Variants in POMT2 observed in about 807,000 individuals in gnomAD.
POMT2 encodes the protein protein O-mannosyl-transferase 2.
Under a neutral mutation model 100.0 loss-of-function variants are expected in POMT2, and 75 were observed. That is an observed-to-expected ratio of 0.75 (90% CI 0.62 to 0.91). The LOEUF is 0.91. POMT2 is among the 40% of genes least tolerant of loss of function. The pLI is 0.00. For missense variants in POMT2, 940 were observed against 955.1 expected, an observed-to-expected ratio of 0.98 and a Z score of 0.21; for synonymous variants, 378 against 374.1, an observed-to-expected ratio of 1.01 and a Z score of -0.12.
intron 1 of POMT2, among the ~76,000 whole-genome samples, chr14:77,318,108 G>C (rs1891694758): frequency 6.6e-6 from 1 of 152,170 alleles, no homozygotes; most frequent in Admixed American, 6.5e-5. Context: ...TGGAAGGAAA[G>C]AAACAATCCT....
In POMT2 at chr14:77,278,714, G is replaced by A. The variant is rs1380951819; in HGVS notation, c.2032+15C>T. The stretch of plus-strand genomic sequence containing the variant: ...CACCTGCTCTGTCTCCCAAGTCCAG[G>A]TGGGTGGCACTGACCTGTCAACATG... On this transcript the variant is annotated intron_variant, in intron 19 of 20. Coordinates refer to ENST00000261534, the MANE Select transcript of POMT2 (RefSeq NM_013382.7). 1 of 1,613,798 alleles carries A rather than the reference G, an allele frequency of 6.2e-7. No individual in the cohort carries two copies. Among genetic ancestry groups the A allele is most frequent in the Non-Finnish European group, 8.5e-7 (1 of 1,179,930 alleles).
chr14:77,293,563 C>T (rs541646877), intron 9 of POMT2, among the ~76,000 whole-genome samples: 4 of 152,252 alleles, frequency 2.6e-5, no homozygotes, highest in Admixed American at 2.0e-4. Flanking sequence ...AAATGCTATG[C>T]TTTAAAAACA....
intron 20 of POMT2, 102 bp downstream of exon 20, chr14:77,278,292 A>C (rs1434454416): frequency 1.0e-6 from 1 of 971,134 alleles, no homozygotes; most frequent in Admixed American, 2.0e-5. Flanking sequence ...AGGCATGGGC[A>C]CTGGTGGTGT....
intron 20 of POMT2, 34 bp from the exon 21 acceptor site, chr14:77,277,515 C>T (rs760654687): frequency 2.0e-6 from 3 of 1,478,940 alleles, no homozygotes; most frequent in East Asian, 4.5e-5. Context: ...GCAGTTGGCA[C>T]CCCCAGTGCC....
Position 77,286,746 on chromosome 14 carries a change from T to A in POMT2, c.1330A>T (p.Ile444Leu). ...RKHYQVTGYG[I>L]NGTGDSNDFW... ...TCACATCCCCGTTGCTTACTTACTA[T>A]GCCATAGCCGGTGACCTGATAGTGC... Residue 444 changes from isoleucine to leucine, a missense_variant and splice_region_variant, in exon 12 of 21, where the codon ATA becomes TTA. Transcript: ENST00000261534. The A allele has an allele frequency of 6.2e-7, 1 of 1,614,154 alleles. No individual in the cohort carries two copies. The highest frequency in any genetic ancestry group is 8.5e-7 in the Non-Finnish European group (1 of 1,180,010).
intron 2 of POMT2, among the ~76,000 whole-genome samples, chr14:77,308,356 GT>G (rs529559494): frequency 3.0e-4 from 39 of 128,452 alleles, no homozygotes; most frequent in African/African-American, 4.1e-4. Context: ...AAGTTTTTTT[GT>G]TTTTTTTTTT....
At chr14:77,278,650 G>A in intron 19 of POMT2, 79 bp downstream of exon 19, 2 of 1,579,890 alleles carry the variant, frequency 1.3e-6, no homozygotes, top group Non-Finnish European at 1.7e-6. Context: ...AAGGAGCAGA[G>A]TCACTCCCAG....
chr14:77,286,863 G>C, intron 11 of POMT2, 41 bp from the exon 12 acceptor site: 1 of 1,613,934 alleles, frequency 6.2e-7, no homozygotes, highest in South Asian at 1.1e-5. Flanking sequence ...CCTATAGAAA[G>C]ATGATGTGCA....
intron 10 of POMT2, among the ~76,000 whole-genome samples, chr14:77,289,467 GAGAGTGGGAAC>G (rs1346022934): frequency 6.6e-6 from 1 of 151,896 alleles, no homozygotes; most frequent in African/African-American, 2.4e-5. Context: ...TGGGGTGGGG[GAGAGTGGGAAC>G]AGATGAGGCT....
At chr14:77,295,473 A>C (rs1890790733) in intron 9 of POMT2, among the ~76,000 whole-genome samples, 1 of 151,994 alleles carries the variant, frequency 6.6e-6, no homozygotes, top group African/African-American at 2.4e-5. Flanking sequence ...TCTACTAAAA[A>C]TACGAAAAAT....
chr14:77,311,006 G>A (rs866711883), intron 2 of POMT2, among the ~76,000 whole-genome samples: 4 of 152,194 alleles, frequency 2.6e-5, no homozygotes, highest in Non-Finnish European at 5.9e-5. Context: ...GGTGGCGGGC[G>A]CCTGTAATCC....
At chr14:77,295,001 C>T (rs796426906) in intron 9 of POMT2, among the ~76,000 whole-genome samples, 3 of 152,348 alleles carry the variant, frequency 2.0e-5, no homozygotes, top group African/African-American at 4.8e-5. Context: ...TGAGCTATCA[C>T]ATTTCCACTA....
intron 2 of POMT2, among the ~76,000 whole-genome samples, chr14:77,307,108 C>T (rs1382748547): frequency 6.6e-6 from 1 of 152,162 alleles, no homozygotes. Context: ...CAAGATCGGC[C>T]GTGTCTTTTG....
At chr14:77,294,512 T>C (rs1890752820) in intron 9 of POMT2, among the ~76,000 whole-genome samples, 1 of 152,152 alleles carries the variant, frequency 6.6e-6, no homozygotes, top group Non-Finnish European at 1.5e-5. Context: ...TTAGTAGAGA[T>C]GGGGTTTCAC....
chr14:77,305,303 T>C (rs992114643), intron 3 of POMT2, among the ~76,000 whole-genome samples: 3 of 152,216 alleles, frequency 2.0e-5, no homozygotes, highest in African/African-American at 7.2e-5. Context: ...ATTTTGATTT[T>C]GGGAAAAGGG....
intron 8 of POMT2, chr14:77,296,510 T>C (rs1890836988): frequency 3.6e-6 from 2 of 558,638 alleles, no homozygotes; most frequent in African/African-American, 3.8e-5. Context: ...GTGTTAACAC[T>C]GTCATTATCA....
At chr14:77,315,967 C>A (rs532289735) in intron 1 of POMT2, among the ~76,000 whole-genome samples, 2 of 152,138 alleles carry the variant, frequency 1.3e-5, no homozygotes, top group African/African-American at 2.4e-5. Flanking sequence ...GCTGAAATTG[C>A]GCCACTGCAC....
chr14:77,313,039 C>G (rs1891496644), intron 1 of POMT2, among the ~76,000 whole-genome samples: 1 of 152,218 alleles, frequency 6.6e-6, no homozygotes, highest in South Asian at 2.1e-4. Context: ...CTCTTTTATA[C>G]AACCACATAC....
rs1300173770 is a variant in POMT2, at chr14:77,277,464, G to C, written c.2165C>G (p.Pro722Arg). 6.2e-7 allele frequency: 1 copy of C among 1,613,430 alleles called. No individual in the cohort carries two copies. ...GGGACCAACCATCCCGTAAGCCAGA[G>C]GGTGGAAGAGGTAGAAGCTGTGAGA... ...GTAYSFYLFHPLAYGMVGPLA... is the reference protein window; with the variant it reads ...GTAYSFYLFHRLAYGMVGPLA... Residue 722 changes from proline (P) to arginine (R), a missense_variant, in exon 21 of 21, where the codon CCT (proline) becomes CGT (arginine). By Grantham distance (103) the Pro-to-Arg change is moderately radical (BLOSUM62 -2). Coordinates refer to ENST00000261534, the MANE Select transcript of POMT2 (RefSeq NM_013382.7).
Sources: gnomAD v4.1 joint callset for allele counts (sites outside exome capture counted in the v4.1 genomes callset) on GRCh38, gnomAD v4.1.1 for gene constraint, MANE v1.5 for transcripts, NCBI Gene and HGNC (gene_info 2026-07-23, HGNC 2026-07-21) for gene names.